Variants in L3MBTL4 observed in about 807,000 individuals in gnomAD.
L3MBTL4 encodes L3MBTL histone methyl-lysine binding protein 4, also known as lethal(3)malignant brain tumor-like protein 4.
L3MBTL4 carries 70 observed loss-of-function variants against 84.5 expected under a neutral mutation model. The observed-to-expected ratio is 0.83, with a 90% CI of 0.68 to 1.01. L3MBTL4 has a LOEUF of 1.01. Among genes scored for constraint, L3MBTL4 ranks in the 50% least tolerant of loss-of-function variants. The probability of loss-of-function intolerance (pLI) is 0.00; values close to 1 mark genes in which losing one functional copy is unlikely to be tolerated. For synonymous variants in L3MBTL4, 274 were observed against 259.8 expected (o/e 1.05, Z -0.52); for missense variants, 715 against 754.8 (o/e 0.95, Z 0.62).
At chr18:6,319,129 G>A (rs1163361049) in intron 1 of L3MBTL4, among the ~76,000 whole-genome samples, 1 of 152,052 alleles carries the variant, frequency 6.6e-6, no homozygotes, top group Non-Finnish European at 1.5e-5. Context: ...TATAGCAAAA[G>A]CAATGCTAAG....
intron 16 of L3MBTL4, among the ~76,000 whole-genome samples, chr18:5,974,817 A>G (rs1018758585): frequency 6.6e-6 from 1 of 152,070 alleles, no homozygotes; most frequent in Non-Finnish European, 1.5e-5. Context: ...AGAAAAAATT[A>G]GCTGGGCATG....
chr18:6,338,851 T>C (rs928637862), intron 1 of L3MBTL4, among the ~76,000 whole-genome samples: 2 of 152,102 alleles, frequency 1.3e-5, no homozygotes, highest in Non-Finnish European at 2.9e-5. Context: ...TTGATAAAAC[T>C]ATACTAATAC....
intron 1 of L3MBTL4, among the ~76,000 whole-genome samples, chr18:6,370,225 C>T (rs564644233): frequency 1.3e-5 from 2 of 151,834 alleles, no homozygotes; most frequent in East Asian, 3.9e-4. Context: ...TTTATCCGGT[C>T]GGTCTTCCTC....
At chr18:6,268,331 C>T (rs1243244243) in intron 4 of L3MBTL4, among the ~76,000 whole-genome samples, 1 of 152,154 alleles carries the variant, frequency 6.6e-6, no homozygotes, top group Non-Finnish European at 1.5e-5. Flanking sequence ...TGCTTGAACC[C>T]GGGAGGCAGA....
chr18:6,414,009 T>G lies in L3MBTL4; in HGVS notation c.-91+792A>C, dbSNP rs1054013860. ...CGCTCTCACCAATCCCGCAGGTAAG[T>G]GCGGCGCTGGCCCAGGTGTGCCCAG... On this transcript the variant is annotated intron_variant, in intron 1 of 18. Transcript: ENST00000317931. This position sits in a 1 kb window ranked among gnomAD's most constrained non-coding sequence, Gnocchi z 5.4. 1 of 152,278 alleles carries G rather than the reference T, an allele frequency of 6.6e-6. No homozygotes were observed. Among genetic ancestry groups the G allele is most frequent in the Non-Finnish European group, 1.5e-5 (1 of 68,078 alleles). 9.4% of individuals were successfully genotyped at this position (152,278 alleles called of 1,614,324 possible). A position where few individuals can be genotyped will look rare whatever the true frequency, so the allele number is the denominator to read the frequency against.
chr18:6,024,679 A>G (rs475429), intron 16 of L3MBTL4, among the ~76,000 whole-genome samples: 123,401 of 152,184 alleles, frequency 0.81, 50,392 homozygotes, highest in Admixed American at 0.86. Flanking sequence ...ACCAAATAGT[A>G]TAATTTACAT....
At chr18:6,042,032 A>T (rs1568023257) in intron 16 of L3MBTL4, among the ~76,000 whole-genome samples, 2 of 152,038 alleles carry the variant, frequency 1.3e-5, no homozygotes, top group Non-Finnish European at 2.9e-5. Context: ...TCTGTGAACC[A>T]TTTCGAACTT....
chr18:6,096,291 T>C (rs1390570149), intron 14 of L3MBTL4, among the ~76,000 whole-genome samples: 1 of 152,224 alleles, frequency 6.6e-6, no homozygotes, highest in Non-Finnish European at 1.5e-5. Flanking sequence ...GGTCATTCAA[T>C]CATTCACCTA....
chr18:6,155,371 G>T (rs948036227), intron 13 of L3MBTL4, among the ~76,000 whole-genome samples: 2 of 152,190 alleles, frequency 1.3e-5, no homozygotes, highest in African/African-American at 4.8e-5. Context: ...TTCAAACATA[G>T]TAGGGCGAGG....
chr18:6,192,301 G>C (rs2045146013), intron 12 of L3MBTL4, among the ~76,000 whole-genome samples: 1 of 152,198 alleles, frequency 6.6e-6, no homozygotes. Flanking sequence ...TTGTCTTACG[G>C]AAAGGGAAAA....
intron 4 of L3MBTL4, among the ~76,000 whole-genome samples, chr18:6,270,359 A>G (rs1048678864): frequency 7.9e-5 from 12 of 152,142 alleles, no homozygotes; most frequent in Non-Finnish European, 1.5e-5. Context: ...TCGTCTCCCC[A>G]GGCAAAGCAG....
At chr18:6,189,553 C>A (rs796092148) in intron 12 of L3MBTL4, among the ~76,000 whole-genome samples, 12 of 152,236 alleles carry the variant, frequency 7.9e-5, no homozygotes, top group African/African-American at 2.9e-4. Flanking sequence ...AGAGAAAATA[C>A]AGCCAATAGA....
At position 6,093,424 on chromosome 18, in the gene L3MBTL4, T is replaced by G; in HGVS notation, c.1304A>C (p.His435Pro). 1 of 1,614,056 alleles carries G rather than the reference T, an allele frequency of 6.2e-7. No homozygotes were observed. Among genetic ancestry groups the G allele is most frequent in the Non-Finnish European group, 8.5e-7 (1 of 1,179,984 alleles). Reference protein sequence around the residue: ...TQANLESDSSHSKSKSLCSLN... With the variant: ...TQANLESDSSPSKSKSLCSLN... ...ACTACAGAGGCTTTTTGATTTTGAATGTGAAGAGTCTGATTCCAAATTTGC... is the reference window on the plus strand; with the variant it reads ...ACTACAGAGGCTTTTTGATTTTGAAGGTGAAGAGTCTGATTCCAAATTTGC... Residue 435 changes from histidine to proline, a missense_variant, in exon 15 of 19, where the codon CAT becomes CCT. Coordinates refer to ENST00000317931, the MANE Select transcript of L3MBTL4 (RefSeq NM_001330559.2).
chr18:6,118,208 A>ACACACACACACACACACACAC (rs2059415716), intron 14 of L3MBTL4, among the ~76,000 whole-genome samples: 9 of 141,854 alleles, frequency 6.3e-5, no homozygotes, highest in East Asian at 2.2e-4. Flanking sequence ...AACACACACA[A>ACACACACACACACACACACAC]ACACACACAC....
At chr18:6,257,938 G>A (rs115204499) in intron 5 of L3MBTL4, among the ~76,000 whole-genome samples, 2,170 of 152,244 alleles carry the variant, frequency 0.014, 51 homozygotes, top group African/African-American at 0.049. Context: ...GAGCCACATC[G>A]CCGGGCTCTA....
chr18:6,047,198 G>A (rs2056659172), intron 16 of L3MBTL4, among the ~76,000 whole-genome samples: 1 of 152,062 alleles, frequency 6.6e-6, no homozygotes, highest in South Asian at 2.1e-4. Context: ...ATTGAATCAG[G>A]AAGAAATTGA....
At chr18:6,110,360 G>C (rs182225527) in intron 14 of L3MBTL4, among the ~76,000 whole-genome samples, 3 of 152,132 alleles carry the variant, frequency 2.0e-5, no homozygotes, top group Non-Finnish European at 4.4e-5. Context: ...ATGCGTGTGT[G>C]CGTGCATGTC....
intron 12 of L3MBTL4, among the ~76,000 whole-genome samples, chr18:6,192,348 T>A (rs902097232): frequency 6.6e-6 from 1 of 152,120 alleles, no homozygotes; most frequent in African/African-American, 2.4e-5. Flanking sequence ...TGCTGAAAGG[T>A]GGCAGAGCAG....
At position 6,181,864 on chromosome 18, in the gene L3MBTL4, G is replaced by A. The variant is rs143005887; in HGVS notation, c.982-9922C>T. On this transcript the variant is annotated intron_variant, in intron 12 of 18. Coordinates refer to ENST00000317931, the MANE Select transcript of L3MBTL4 (RefSeq NM_001330559.2). The stretch of plus-strand genomic sequence containing the variant: ...TCTCCTTCTTTTTTATGGTTGTCTA[G>A]CATTCCATGGTGTATATGTACTACA... Among the ~76,000 whole-genome samples, 488 of 152,310 alleles carry A rather than the reference G, an allele frequency of 3.2e-3. 2 individuals are homozygous for A. The highest frequency in any genetic ancestry group is 0.011 in the African/African-American group (454 of 41,576).
Sources: gnomAD v4.1 joint callset for allele counts (sites outside exome capture counted in the v4.1 genomes callset) on GRCh38, gnomAD v4.1.1 for gene constraint, Gnocchi (gnomAD v3.1) non-coding constraint, MANE v1.5 for transcripts, NCBI Gene and HGNC (gene_info 2026-07-23, HGNC 2026-07-21) for gene names.